Variants in POC1B observed in about 807,000 individuals in gnomAD.
POC1B encodes POC1 centriolar protein B.
Under a neutral mutation model 60.6 loss-of-function variants are expected in POC1B, and 44 were observed. The observed-to-expected ratio is 0.73, with a 90% CI of 0.57 to 0.93. POC1B has a LOEUF of 0.93. POC1B is among the 40% of genes least tolerant of loss of function. The pLI is 0.00. For synonymous variants in POC1B, 180 were observed against 198.9 expected (o/e 0.90, Z 0.80); for missense variants, 555 against 572.3 (o/e 0.97, Z 0.31).
chr12:89,449,487 T>C, intron 10 of POC1B, among the ~76,000 whole-genome samples: 1 of 152,170 alleles, frequency 6.6e-6, no homozygotes. Context: ...TACAATTTTA[T>C]GTCAATTAAA....
intron 2 of POC1B, among the ~76,000 whole-genome samples, chr12:89,497,947 A>AT (rs1048810139): frequency 3.9e-5 from 6 of 152,084 alleles, no homozygotes; most frequent in Non-Finnish European, 8.8e-5. Context: ...ACACATACGT[A>AT]TTTTTTTGTT....
At chr12:89,412,232 T>C in the POC1B span, among the ~76,000 whole-genome samples, 1 of 152,246 alleles carries the variant, frequency 6.6e-6, no homozygotes, top group East Asian at 1.9e-4. Flanking sequence ...CTGAGCTTTC[T>C]TATTCTTCTT....
intron 2 of POC1B, among the ~76,000 whole-genome samples, chr12:89,513,900 C>T (rs915581478): frequency 1.3e-5 from 2 of 152,206 alleles, no homozygotes; most frequent in African/African-American, 4.8e-5. Context: ...GGCTCTGCTG[C>T]CTACTAGCTT....
chr12:89,464,164 G>T lies in POC1B; in HGVS notation c.1032+2606C>A, dbSNP rs190168372. Reference sequence around the variant, plus strand: ...AATCCTAATACTGACCTCAAAAAAAGATTTCTTAGTTTTAAAATATTTCCC... The same window carrying T: ...AATCCTAATACTGACCTCAAAAAAATATTTCTTAGTTTTAAAATATTTCCC... On this transcript the variant is annotated intron_variant, in intron 9 of 11. Transcript: ENST00000313546. 1.6e-4 allele frequency among the ~76,000 whole-genome samples: 24 copies of T among 152,098 alleles called. No individual in the cohort carries two copies. The East Asian group carries it at 4.4e-3, about 28-fold the overall frequency.
At chr12:89,500,499 T>C in intron 2 of POC1B, 1 of 1,596,922 alleles carries the variant, frequency 6.3e-7, no homozygotes, top group African/African-American at 1.3e-5. Context: ...TTGAAAAAAA[T>C]GTGAAGTAGA....
chr12:89,500,701 CA>C (rs1230135619), intron 2 of POC1B: 24 of 1,383,410 alleles, frequency 1.7e-5, no homozygotes, highest in Non-Finnish European at 2.4e-5. Flanking sequence ...CACTTAAAAC[CA>C]AAAAAAGATT....
chr12:89,420,239 A>C lies in POC1B; in HGVS notation c.*914T>G, dbSNP rs1880472367. 6.6e-6 allele frequency: 1 copy of C among 152,208 alleles called. No individual in the cohort carries two copies. The highest frequency in any genetic ancestry group is 6.5e-5 in the Admixed American group (1 of 15,270). 9.4% of individuals were successfully genotyped at this position (152,208 alleles called of 1,614,324 possible). On this transcript the variant is annotated 3_prime_UTR_variant, in exon 12 of 12. Transcript: ENST00000313546. ...TTTTGTTTTAAATCACAATTCATTAAATAGGAAGATGATGATGCAAAAATT... is the reference window on the plus strand; with the variant it reads ...TTTTGTTTTAAATCACAATTCATTACATAGGAAGATGATGATGCAAAAATT...
At chr12:89,464,815 A>AG (rs1882624738) in intron 9 of POC1B, among the ~76,000 whole-genome samples, 1 of 151,840 alleles carries the variant, frequency 6.6e-6, no homozygotes, top group Non-Finnish European at 1.5e-5. Context: ...AAAAAAAAAA[A>AG]AAAGAAACAA....
chr12:89,510,334 A>G (rs1870117920), intron 2 of POC1B, among the ~76,000 whole-genome samples: 1 of 152,088 alleles, frequency 6.6e-6, no homozygotes, highest in South Asian at 2.1e-4. Flanking sequence ...TCTCAACTCA[A>G]TGTCTGAAGT....
At chr12:89,453,573 A>G (rs1882140581) in intron 10 of POC1B, among the ~76,000 whole-genome samples, 1 of 152,200 alleles carries the variant, frequency 6.6e-6, no homozygotes, top group Non-Finnish European at 1.5e-5. Flanking sequence ...CAGAAGTCAT[A>G]TGCCCTAAAC....
chr12:89,451,329 T>C (rs1882032203), intron 10 of POC1B, among the ~76,000 whole-genome samples: 4 of 152,274 alleles, frequency 2.6e-5, no homozygotes, highest in Admixed American at 2.6e-4. Context: ...TGATATAAAA[T>C]ATGAGCTTTG....
At chr12:89,430,026 A>G (rs1235601643) in intron 10 of POC1B, among the ~76,000 whole-genome samples, 1 of 152,204 alleles carries the variant, frequency 6.6e-6, no homozygotes, top group East Asian at 1.9e-4. Flanking sequence ...GAAGTACTTT[A>G]TCAAAAAGGA....
At chr12:89,410,476 C>T in the POC1B span, among the ~76,000 whole-genome samples, 1 of 152,048 alleles carries the variant, frequency 6.6e-6, no homozygotes, top group Non-Finnish European at 1.5e-5. Flanking sequence ...GTCAGGAGAT[C>T]GAGACCATCC....
chr12:89,525,220 G>C lies in POC1B; in HGVS notation c.16-16C>G. On this transcript the variant is annotated splice_polypyrimidine_tract_variant and intron_variant, in intron 1 of 11. Transcript: ENST00000313546. ...CGGGGTCCTCCTGGAAAGGAAAGTT[G>C]TCAAGTTTTGAAAGCCGCCGCAGAC... The C allele has an allele frequency of 4.4e-6, 7 of 1,599,596 alleles. No individual in the cohort carries two copies. Among genetic ancestry groups the C allele is most frequent in the Non-Finnish European group, 6.0e-6 (7 of 1,172,890 alleles).
intron 9 of POC1B, chr12:89,460,026 G>A (rs1354247594): frequency 2.4e-6 from 1 of 409,494 alleles, no homozygotes; most frequent in Non-Finnish European, 4.8e-6. Flanking sequence ...CTCAAAAGAT[G>A]AAGAAAAAAA....
intron 2 of POC1B, chr12:89,501,012 A>T: frequency 1.0e-6 from 1 of 994,870 alleles, no homozygotes; most frequent in Non-Finnish European, 1.6e-6. Context: ...GGATGAATTT[A>T]TAATTGATAA....
intron 4 of POC1B, among the ~76,000 whole-genome samples, chr12:89,491,420 T>A (rs1868961781): frequency 6.6e-6 from 1 of 151,898 alleles, no homozygotes; most frequent in Admixed American, 6.6e-5. Flanking sequence ...GCTGAGGAGT[T>A]TGAGACCAGC....
chr12:89,457,869 C>T (rs547537350), intron 10 of POC1B, among the ~76,000 whole-genome samples: 7 of 152,110 alleles, frequency 4.6e-5, no homozygotes, highest in Non-Finnish European at 1.0e-4. Flanking sequence ...CCCACATACC[C>T]CATATATTCC....
chr12:89,416,285 C>T (rs1040192575), downstream of POC1B, among the ~76,000 whole-genome samples: 5 of 151,948 alleles, frequency 3.3e-5, no homozygotes, highest in Non-Finnish European at 7.4e-5. Flanking sequence ...ACGCAAGCTG[C>T]CTTTTAAAGG....
Sources: allele counts gnomAD v4.1 joint callset (sites outside exome capture counted in the v4.1 genomes callset), GRCh38; gene constraint gnomAD v4.1.1; transcripts MANE v1.5; gene names NCBI Gene and HGNC (gene_info 2026-07-23, HGNC 2026-07-21).